Variants in SLC6A18 observed in about 807,000 individuals in gnomAD.
SLC6A18 encodes solute carrier family 6 member 18.
A neutral mutation model predicts 62.9 loss-of-function variants in SLC6A18; 58 were observed. The observed-to-expected ratio is 0.92, with a 90% CI of 0.75 to 1.15. The LOEUF (loss-of-function observed/expected upper bound fraction) is 1.15. Ranked by LOEUF, SLC6A18 falls within the 50% of genes most tolerant of loss-of-function variation. SLC6A18 has a pLI of 0.00. For missense variants in SLC6A18, 793 were observed against 836.6 expected, an observed-to-expected ratio of 0.95 and a Z score of 0.64; for synonymous variants, 382 against 365.8, an observed-to-expected ratio of 1.04 and a Z score of -0.51.
intron 3 of SLC6A18, among the ~76,000 whole-genome samples, chr5:1,233,681 C>T (rs1746797194): frequency 6.7e-6 from 1 of 149,562 alleles, no homozygotes; most frequent in African/African-American, 2.5e-5. Flanking sequence ...ACTCCTGGCT[C>T]AAGTGATTCT....
At position 1,241,071 on chromosome 5, in the gene SLC6A18, G is replaced by A. The variant is rs537089609; in HGVS notation, c.974+412G>A. Among the ~76,000 whole-genome samples the A allele has an allele frequency of 3.9e-5, 6 of 152,250 alleles. No homozygotes were observed. Among genetic ancestry groups the A allele is most frequent in the South Asian group, 4.1e-4 (2 of 4,820 alleles). On this transcript the variant is annotated intron_variant, in intron 7 of 11. Coordinates refer to ENST00000324642, the MANE Select transcript of SLC6A18 (RefSeq NM_182632.3). The surrounding 1 kb of genome is among the most constrained non-coding windows in gnomAD (Gnocchi z 7.8). ...TCCCGTGCAGGCTCAGGAGGGGCGC[G>A]GCCTGGCCACACTGGGATTTCAGAT...
intron 4 of SLC6A18, among the ~76,000 whole-genome samples, 159 bp from the exon 5 acceptor site, chr5:1,237,791 C>A (rs1259649740): frequency 6.6e-6 from 1 of 152,150 alleles, no homozygotes; most frequent in Admixed American, 6.5e-5. Flanking sequence ...CTGCACCCCA[C>A]CATCCCCCAA....
chr5:1,244,457 A>G (rs1390713920), intron 10 of SLC6A18, 84 bp downstream of exon 10: 9 of 1,576,758 alleles, frequency 5.7e-6, no homozygotes, highest in Non-Finnish European at 7.8e-6. Flanking sequence ...TTCAACCCGC[A>G]GCTGCCCAGA....
chr5:1,235,846 A>G lies in SLC6A18; in HGVS notation c.621+184A>G, dbSNP rs1439521943. 2.0e-5 allele frequency among the ~76,000 whole-genome samples: 3 copies of G among 152,058 alleles called. No individual in the cohort carries two copies. The East Asian group carries it at 5.8e-4, about 29-fold the overall frequency. ...TGAAGCAACCTTTTTTATTCTGGTG[A>G]TATTCTTGGCTCTGAAACTGACTTT... is the stretch of plus-strand genomic sequence containing the variant. On this transcript the variant is annotated intron_variant, in intron 4 of 11. Coordinates refer to ENST00000324642, the MANE Select transcript of SLC6A18 (RefSeq NM_182632.3).
intron 11 of SLC6A18, 60 bp downstream of exon 11, chr5:1,244,827 C>T (rs1183517675): frequency 6.5e-7 from 1 of 1,527,988 alleles, no homozygotes; most frequent in African/African-American, 1.4e-5. Context: ...GGTCTGGCCC[C>T]TACGGTGCCA....
chr5:1,243,813 C>A lies in SLC6A18; in HGVS notation c.1336+54C>A. On this transcript the variant is annotated intron_variant, in intron 9 of 11. Transcript: ENST00000324642. This position sits in a 1 kb window ranked among gnomAD's most constrained non-coding sequence, Gnocchi z 6.5. ...GACCCGTCCCCAGCATCTGACTGTC[C>A]ACTCCCGCCCGCTGTCCAGACGCCC... 1 of 1,491,340 alleles carries A rather than the reference C, an allele frequency of 6.7e-7. No homozygotes were observed. 92.4% of individuals were successfully genotyped at this position (1,491,340 alleles called of 1,614,324 possible).
At chr5:1,226,184 C>T (rs921648818) in intron 1 of SLC6A18, among the ~76,000 whole-genome samples, 1 of 152,192 alleles carries the variant, frequency 6.6e-6, no homozygotes, top group African/African-American at 2.4e-5. Context: ...GTCTGGGTGA[C>T]TTTAGTGACC....
At chr5:1,235,329 TC>T (rs997359039) in intron 3 of SLC6A18, 151 bp from the exon 4 acceptor site, 6 of 687,572 alleles carry the variant, frequency 8.7e-6, no homozygotes, top group Non-Finnish European at 1.5e-5. Flanking sequence ...CGTCTGTTTC[TC>T]CATCTCAGCC....
chr5:1,233,062 C>T (rs900169395), intron 3 of SLC6A18, among the ~76,000 whole-genome samples, 174 bp downstream of exon 3: 27 of 152,256 alleles, frequency 1.8e-4, no homozygotes, highest in South Asian at 6.2e-4. Context: ...CAGGAGCACA[C>T]GTGCAGTCCA....
intron 3 of SLC6A18, among the ~76,000 whole-genome samples, chr5:1,234,913 TC>T (rs1172416271): frequency 6.6e-6 from 1 of 152,232 alleles, no homozygotes; most frequent in Non-Finnish European, 1.5e-5. Flanking sequence ...CCCCCACATT[TC>T]CCCAGTCAAG....
Position 1,237,984 on chromosome 5 carries a change from T to TC in SLC6A18, c.658dup (p.Leu220ProfsTer65). 1 of 1,614,216 alleles carries TC rather than the reference T, an allele frequency of 6.2e-7. No individual in the cohort carries two copies. ...TTCACAGCTTTGTTCCCTTACCTGG[T>TC]CCTGACCATCTTTCTCATCAGAGGG... On this transcript the variant is annotated frameshift_variant, in exon 5 of 12. Transcript: ENST00000324642. LOFTEE classifies it high-confidence loss of function.
At position 1,243,494 on chromosome 5, in the gene SLC6A18, G is replaced by T. The variant is rs755129926; in HGVS notation, c.1132-61G>T. On this transcript the variant is annotated intron_variant, in intron 8 of 11. Coordinates refer to ENST00000324642, the MANE Select transcript of SLC6A18 (RefSeq NM_182632.3). This position sits in a 1 kb window ranked among gnomAD's most constrained non-coding sequence, Gnocchi z 6.5. Reference sequence around the variant, plus strand: ...GAGAGTGTGTGTCCTGCAGGCAGGCGTGTGTGTGTGGTGGAGTGTGTGTGT... The same window carrying T: ...GAGAGTGTGTGTCCTGCAGGCAGGCTTGTGTGTGTGGTGGAGTGTGTGTGT... 4 of 1,510,756 alleles carry T rather than the reference G, an allele frequency of 2.6e-6. No homozygotes were observed. The highest frequency in any genetic ancestry group is 3.6e-6 in the Non-Finnish European group (4 of 1,101,186). The allele number at this position is 1,510,756 out of a possible 1,614,324, so 93.6% of individuals were successfully genotyped here. A position where few individuals can be genotyped will look rare whatever the true frequency, so the allele number is the denominator to read the frequency against.
chr5:1,239,119 G>A (rs544169377), intron 5 of SLC6A18, among the ~76,000 whole-genome samples: 24 of 152,370 alleles, frequency 1.6e-4, no homozygotes, highest in East Asian at 1.3e-3. Flanking sequence ...AGAACCGCCC[G>A]GTTAGAGAGG....
intron 1 of SLC6A18, among the ~76,000 whole-genome samples, chr5:1,228,494 C>A (rs575594569): frequency 6.6e-6 from 1 of 152,218 alleles, no homozygotes; most frequent in African/African-American, 2.4e-5. Context: ...GGCTGCACTG[C>A]GGCCTCTGCA....
At chr5:1,231,522 C>T (rs1046751977) in intron 1 of SLC6A18, among the ~76,000 whole-genome samples, 10 of 152,078 alleles carry the variant, frequency 6.6e-5, no homozygotes, top group African/African-American at 2.4e-4. Context: ...CCGGGTTCCT[C>T]GTGGGAACAG....
rs1447122289 is a variant in SLC6A18 at position 1,241,325 on chromosome 5, G to A, written c.974+666G>A. On this transcript the variant is annotated intron_variant, in intron 7 of 11. Coordinates refer to ENST00000324642, the MANE Select transcript of SLC6A18 (RefSeq NM_182632.3). The surrounding 1 kb of genome is among the most constrained non-coding windows in gnomAD (Gnocchi z 7.8). ...AGACAGCACGTCCCTGCAACATGGG[G>A]TGACTCTGACCCCACCAGGGTACAT... is the stretch of plus-strand genomic sequence containing the variant. 6.6e-6 allele frequency among the ~76,000 whole-genome samples: 1 copy of A among 152,200 alleles called. No individual in the cohort carries two copies. Among genetic ancestry groups the A allele is most frequent in the Non-Finnish European group, 1.5e-5 (1 of 68,020 alleles).
At chr5:1,226,928 C>CGATG (rs1207867642) in intron 1 of SLC6A18, among the ~76,000 whole-genome samples, 1 of 151,810 alleles carries the variant, frequency 6.6e-6, no homozygotes, top group Non-Finnish European at 1.5e-5. Flanking sequence ...CCTTGCCCAC[C>CGATG]GATGCCTTTC....
At chr5:1,232,486 G>A in intron 2 of SLC6A18, 127 bp downstream of exon 2, 1 of 1,301,436 alleles carries the variant, frequency 7.7e-7, no homozygotes, top group African/African-American at 1.5e-5. Context: ...GGCGGGTGGG[G>A]TGGCAGGGAG....
rs142886393 is a variant in SLC6A18 at position 1,244,350 on chromosome 5, C to T, written c.1473C>T (p.Val491=). The T allele has an allele frequency of 5.6e-6, 9 of 1,614,006 alleles. No individual in the cohort carries two copies. Among genetic ancestry groups the T allele is most frequent in the South Asian group, 4.4e-5 (4 of 91,072 alleles). ...LMLAFLEVVG[V]VYVYGMKRFC... ...TGGCCTTTCTCGAGGTTGTGGGTGTCGTTTATGTTTATGGAATGAAACGGT... is the reference window on the plus strand; with the variant it reads ...TGGCCTTTCTCGAGGTTGTGGGTGTTGTTTATGTTTATGGAATGAAACGGT... The change falls in exon 10 of 12, where the codon GTC becomes GTT. Residue 491 remains valine, a synonymous_variant. Transcript: ENST00000324642.
Sources: gnomAD v4.1 joint callset for allele counts (sites outside exome capture counted in the v4.1 genomes callset) on GRCh38, gnomAD v4.1.1 for gene constraint, Gnocchi (gnomAD v3.1) non-coding constraint, MANE v1.5 for transcripts, NCBI Gene and HGNC (gene_info 2026-07-23, HGNC 2026-07-21) for gene names.